Variants in CCDC198 observed in about 807,000 individuals in gnomAD.
The protein encoded by CCDC198 is coiled-coil domain containing 198.
CCDC198 carries 18 observed loss-of-function variants against 35.6 expected under a neutral mutation model. The observed-to-expected ratio is 0.51, with a 90% CI of 0.35 to 0.75. CCDC198 has a LOEUF of 0.75. CCDC198 is among the 30% of genes least tolerant of loss of function. The probability of loss-of-function intolerance (pLI) is 0.01; values close to 1 mark genes in which losing one functional copy is unlikely to be tolerated. For synonymous variants in CCDC198, 119 were observed against 113.4 expected (o/e 1.05, Z -0.31); for missense variants, 365 against 343.7 (o/e 1.06, Z -0.49).
intron 5 of CCDC198, among the ~76,000 whole-genome samples, chr14:57,477,342 C>T (rs972205903): frequency 2.0e-5 from 3 of 152,192 alleles, no homozygotes; most frequent in Admixed American, 2.0e-4. Flanking sequence ...ACAACTTCAG[C>T]AATAGGCAAG....
intron 2 of CCDC198, among the ~76,000 whole-genome samples, chr14:57,487,678 T>G (rs2139543443): frequency 6.6e-6 from 1 of 152,302 alleles, no homozygotes; most frequent in East Asian, 1.9e-4. Context: ...AGTAGATGTT[T>G]AGGAAGTAGA....
intron 5 of CCDC198, chr14:57,480,253 G>A (rs1002539618): frequency 9.1e-6 from 9 of 985,216 alleles, no homozygotes; most frequent in African/African-American, 3.5e-5. Context: ...TGTGACTGCC[G>A]GCAATATATC....
intron 5 of CCDC198, among the ~76,000 whole-genome samples, chr14:57,474,675 TA>T (rs1394039440): frequency 6.6e-6 from 1 of 152,246 alleles, no homozygotes; most frequent in Non-Finnish European, 1.5e-5. Context: ...TACATTTTTA[TA>T]AATCCTCATT....
chr14:57,485,144 A>C (rs1294655704), intron 2 of CCDC198, among the ~76,000 whole-genome samples: 2 of 152,154 alleles, frequency 1.3e-5, no homozygotes, highest in African/African-American at 2.4e-5. Context: ...GACACCTTTA[A>C]GACAGGCCAG....
At chr14:57,488,289 C>G (rs2067435816) in intron 2 of CCDC198, among the ~76,000 whole-genome samples, 1 of 152,126 alleles carries the variant, frequency 6.6e-6, no homozygotes. Flanking sequence ...TTAGGTGTCT[C>G]CCAGATCTTT....
chr14:57,471,579 T>G lies in CCDC198; in HGVS notation c.667A>C (p.Asn223His). The stretch of plus-strand genomic sequence containing the variant: ...GCTTGATGTTTCAAAAATTCTGTAT[T>G]CTTTGAATTTCCTACAAAAAAATTA... ...ILNRGPGNSK[N>H]TEFLKHQAVN... Residue 223 changes from asparagine to histidine, a missense_variant, in exon 6 of 6, where the codon AAT (asparagine) becomes CAT (histidine). Physicochemically the swap from Asn to His is moderately conservative, Grantham distance 68 (BLOSUM62 1). Coordinates refer to ENST00000216445, the MANE Select transcript of CCDC198 (RefSeq NM_018168.4). 2 of 1,559,230 alleles carry G rather than the reference T, an allele frequency of 1.3e-6. No individual in the cohort carries two copies. The highest frequency in any genetic ancestry group is 1.7e-6 in the Non-Finnish European group (2 of 1,149,166).
chr14:57,478,472 A>G (rs2067073968), intron 5 of CCDC198: 1 of 986,186 alleles, frequency 1.0e-6, no homozygotes, highest in South Asian at 4.7e-5. Flanking sequence ...CCTTAGCTTG[A>G]ACAAAACGAA....
chr14:57,481,701 T>G (rs1594798763), intron 3 of CCDC198, 41 bp from the exon 4 acceptor site: 1 of 1,268,250 alleles, frequency 7.9e-7, no homozygotes, highest in Non-Finnish European at 1.1e-6. Context: ...GGTAATTTGT[T>G]ACTGACTCTG....
intron 5 of CCDC198, among the ~76,000 whole-genome samples, chr14:57,477,577 A>G (rs1386383277): frequency 6.6e-6 from 1 of 152,206 alleles, no homozygotes; most frequent in Non-Finnish European, 1.5e-5. Flanking sequence ...AGGGTTATCT[A>G]GTCCATCTAA....
chr14:57,487,193 A>G (rs2067393272), intron 2 of CCDC198, among the ~76,000 whole-genome samples: 2 of 152,196 alleles, frequency 1.3e-5, no homozygotes, highest in African/African-American at 4.8e-5. Context: ...AATCGGTTAG[A>G]ATGACACCTT....
intron 5 of CCDC198, chr14:57,475,600 G>A (rs764530987): frequency 3.6e-5 from 14 of 383,678 alleles, no homozygotes; most frequent in South Asian, 1.5e-4. Flanking sequence ...CCAGCTACTC[G>A]GGAGGCTGAG....
At chr14:57,482,098 C>T (rs752943858) in intron 3 of CCDC198, among the ~76,000 whole-genome samples, 1 of 152,094 alleles carries the variant, frequency 6.6e-6, no homozygotes, top group African/African-American at 2.4e-5. Flanking sequence ...TGAAATGGAA[C>T]CTATTTCTAT....
At chr14:57,480,559 T>C in intron 5 of CCDC198, 36 bp downstream of exon 5, 1 of 1,606,026 alleles carries the variant, frequency 6.2e-7, no homozygotes, top group Non-Finnish European at 8.5e-7. Flanking sequence ...TTAAAAACAC[T>C]TGAAATGTTT....
intron 2 of CCDC198, among the ~76,000 whole-genome samples, chr14:57,483,513 A>G (rs192368564): frequency 6.6e-6 from 1 of 152,310 alleles, no homozygotes; most frequent in African/African-American, 2.4e-5. Flanking sequence ...ATTTTATTTC[A>G]CACATCCCTT....
Position 57,493,763 on chromosome 14 carries a change from G to T in CCDC198, c.-48C>A, listed in dbSNP as rs1405256437. On this transcript the variant is annotated 5_prime_UTR_variant, in exon 1 of 6. Transcript: ENST00000216445. ...GAAAGCTGCGAGGGAAGTGGTTTTG[G>T]GGTCTTTAATATAGCTTATTTTAAT... 1.4e-6 allele frequency: 2 copies of T among 1,456,406 alleles called. No individual in the cohort carries two copies. Among genetic ancestry groups the T allele is most frequent in the East Asian group, 4.6e-5 (2 of 43,052 alleles). 90.2% of individuals were successfully genotyped at this position (1,456,406 alleles called of 1,614,324 possible).
At chr14:57,482,254 G>A (rs1357816841) in intron 3 of CCDC198, among the ~76,000 whole-genome samples, 2 of 152,196 alleles carry the variant, frequency 1.3e-5, no homozygotes, top group East Asian at 1.9e-4. Flanking sequence ...ATTGAGGGCA[G>A]CCAGAGGTCA....
At chr14:57,486,809 C>T (rs1152517) in intron 2 of CCDC198, among the ~76,000 whole-genome samples, 42,344 of 151,968 alleles carry the variant, frequency 0.28, 6,999 homozygotes, top group African/African-American at 0.44. Context: ...CTCTTTCTTC[C>T]ATTTTCAGCC....
At chr14:57,490,885 A>G (rs1405337783) in intron 2 of CCDC198, 104 bp downstream of exon 2, 1 of 1,055,198 alleles carries the variant, frequency 9.5e-7, no homozygotes, top group African/African-American at 1.6e-5. Context: ...TCTCATTAAT[A>G]GCTTGGTCCT....
At chr14:57,490,276 C>T (rs2067518387) in intron 2 of CCDC198, among the ~76,000 whole-genome samples, 1 of 152,142 alleles carries the variant, frequency 6.6e-6, no homozygotes, top group African/African-American at 2.4e-5. Context: ...CTACCCATTC[C>T]CTTTCTAGGT....
Sources: allele counts gnomAD v4.1 joint callset (sites outside exome capture counted in the v4.1 genomes callset), GRCh38; gene constraint gnomAD v4.1.1; transcripts MANE v1.5; gene names NCBI Gene and HGNC (gene_info 2026-07-23, HGNC 2026-07-21).